The following STIM1 variants were observed in gnomAD, a reference collection of about 807,000 sequenced individuals.
The protein encoded by STIM1 is stromal interaction molecule 1.
STIM1 carries 25 observed loss-of-function variants against 74.7 expected under a neutral mutation model. The observed-to-expected ratio is 0.33, with a 90% CI of 0.24 to 0.47. The LOEUF (loss-of-function observed/expected upper bound fraction) is 0.47, where lower values mean the gene tolerates loss of function less well. Among genes scored for constraint, STIM1 ranks in the 20% least tolerant of loss-of-function variants. STIM1 has a pLI of 1.00. For synonymous variants in STIM1, 328 were observed against 348.8 expected, an observed-to-expected ratio of 0.94 and a Z score of 0.66; for missense variants, 728 against 920.8, an observed-to-expected ratio of 0.79 and a Z score of 2.71.
At chr11:4,088,589 G>A in intron 12 of STIM1, 3 of 990,826 alleles carry the variant, frequency 3.0e-6, no homozygotes, top group South Asian at 1.4e-5. Flanking sequence ...AAGGGATGCT[G>A]TGAATTCCAT....
At chr11:3,911,110 T>C (rs1043093553) in intron 1 of STIM1, among the ~76,000 whole-genome samples, 28 of 152,182 alleles carry the variant, frequency 1.8e-4, no homozygotes, top group African/African-American at 2.4e-4. Flanking sequence ...AGTGGTAGCA[T>C]TGGGGAGATA....
At chr11:4,009,631 TAATA>T (rs1175139425) in intron 2 of STIM1, among the ~76,000 whole-genome samples, 2 of 151,192 alleles carry the variant, frequency 1.3e-5, no homozygotes, top group Non-Finnish European at 2.9e-5. Context: ...ATAATAATAA[TAATA>T]AATAAAGTAA....
chr11:3,962,535 T>C (rs2093298570), intron 1 of STIM1, among the ~76,000 whole-genome samples: 1 of 152,158 alleles, frequency 6.6e-6, no homozygotes. Flanking sequence ...GTTGATTCTA[T>C]GTCTTGCTAT....
At chr11:3,997,744 A>T (rs2078740894) in intron 2 of STIM1, among the ~76,000 whole-genome samples, 1 of 152,196 alleles carries the variant, frequency 6.6e-6, no homozygotes, top group African/African-American at 2.4e-5. Flanking sequence ...ATCATTGGGA[A>T]TGAGAGGAAG....
chr11:4,018,549 G>A (rs537974474), intron 2 of STIM1, among the ~76,000 whole-genome samples: 1 of 151,162 alleles, frequency 6.6e-6, no homozygotes, highest in South Asian at 2.1e-4. Flanking sequence ...GGAGGCTGAG[G>A]CAGGAGAATT....
rs543049425 is a variant in STIM1 at position 3,912,453 on chromosome 11, C to T, written c.140-55099C>T. Among the ~76,000 whole-genome samples the T allele has an allele frequency of 3.6e-3, 550 of 151,848 alleles. 2 individuals are homozygous for T. The highest frequency in any genetic ancestry group is 5.5e-3 in the Non-Finnish European group (376 of 67,972). ...GATCTCAGCTCACTGCAACCTCCGCCTCCCAGATTCAAGTGATTCTCCTAC... is the reference window on the plus strand; with the variant it reads ...GATCTCAGCTCACTGCAACCTCCGCTTCCCAGATTCAAGTGATTCTCCTAC... On this transcript the variant is annotated intron_variant, in intron 1 of 12. Transcript: ENST00000526596.
intron 2 of STIM1, among the ~76,000 whole-genome samples, chr11:3,981,226 C>A (rs556223752): frequency 9.8e-5 from 15 of 152,288 alleles, no homozygotes; most frequent in African/African-American, 3.6e-4. Flanking sequence ...CCACGCCCAG[C>A]CAATCCGAGA....
At chr11:3,911,801 C>T (rs1486627954) in intron 1 of STIM1, among the ~76,000 whole-genome samples, 7 of 152,172 alleles carry the variant, frequency 4.6e-5, no homozygotes, top group African/African-American at 1.7e-4. Context: ...CTGTTACTCT[C>T]CTATCATACT....
intron 1 of STIM1, among the ~76,000 whole-genome samples, chr11:3,857,262 G>T (rs2090423110): frequency 6.6e-6 from 1 of 151,394 alleles, no homozygotes; most frequent in South Asian, 2.1e-4. Context: ...GTTTTGTTTT[G>T]TTTTTTTGAG....
intron 2 of STIM1, among the ~76,000 whole-genome samples, chr11:3,972,192 G>T (rs1421087822): frequency 6.6e-6 from 1 of 152,228 alleles, no homozygotes; most frequent in Non-Finnish European, 1.5e-5. Flanking sequence ...GAGGCCTCAT[G>T]TATTCAGCCT....
chr11:4,066,770 A>T (rs1590686478), intron 5 of STIM1, among the ~76,000 whole-genome samples: 3 of 152,336 alleles, frequency 2.0e-5, no homozygotes, highest in Admixed American at 2.0e-4. Flanking sequence ...GAATGGGTTG[A>T]TCGTAGCTCA....
intron 1 of STIM1, among the ~76,000 whole-genome samples, chr11:3,909,376 C>T (rs1451502146): frequency 6.6e-6 from 1 of 152,206 alleles, no homozygotes. Context: ...ACATATCTCC[C>T]TCCTAAGTCC....
intron 1 of STIM1, among the ~76,000 whole-genome samples, chr11:3,859,724 C>A (rs1276305142): frequency 6.6e-6 from 1 of 152,192 alleles, no homozygotes; most frequent in Non-Finnish European, 1.5e-5. Context: ...AATGGCCTGG[C>A]CATCTTGGTA....
At chr11:3,887,508 T>A (rs12271807) in intron 1 of STIM1, among the ~76,000 whole-genome samples, 3,286 of 152,300 alleles carry the variant, frequency 0.022, 118 homozygotes, top group African/African-American at 0.072. Context: ...CTACTGACTC[T>A]GTCTTGGGAT....
intron 1 of STIM1, among the ~76,000 whole-genome samples, chr11:3,931,625 A>G (rs1481484556): frequency 2.0e-5 from 3 of 152,244 alleles, no homozygotes; most frequent in Admixed American, 2.0e-4. Context: ...TACCAGATCC[A>G]TGATAAATGG....
intron 1 of STIM1, among the ~76,000 whole-genome samples, chr11:3,859,711 A>G (rs2090523988): frequency 6.6e-6 from 1 of 152,228 alleles, no homozygotes; most frequent in African/African-American, 2.4e-5. Flanking sequence ...CTCCAAGGCT[A>G]TAAATGGCCT....
At chr11:3,866,133 C>T (rs898453679) in intron 1 of STIM1, among the ~76,000 whole-genome samples, 3 of 152,152 alleles carry the variant, frequency 2.0e-5, no homozygotes, top group Non-Finnish European at 4.4e-5. Context: ...CCCTCTGTTC[C>T]CCTTGCTGCA....
intron 2 of STIM1, among the ~76,000 whole-genome samples, chr11:3,973,680 A>G (rs1270684510): frequency 6.6e-6 from 1 of 152,028 alleles, no homozygotes; most frequent in Non-Finnish European, 1.5e-5. Context: ...TACAGGCATG[A>G]GCCACTGCAC....
intron 1 of STIM1, among the ~76,000 whole-genome samples, chr11:3,959,254 G>T (rs916171192): frequency 6.6e-6 from 1 of 152,108 alleles, no homozygotes; most frequent in Non-Finnish European, 1.5e-5. Flanking sequence ...GGTAAAACTT[G>T]GCAATTTCCA....
Sources: allele counts gnomAD v4.1 joint callset (sites outside exome capture counted in the v4.1 genomes callset), GRCh38; gene constraint gnomAD v4.1.1; transcripts MANE v1.5; gene names NCBI Gene and HGNC (gene_info 2026-07-23, HGNC 2026-07-21).